Variants in DNAJC11 observed in about 807,000 individuals in gnomAD.
DNAJC11 encodes DnaJ heat shock protein family (Hsp40) member C11.
DNAJC11 carries 15 observed loss-of-function variants against 78.6 expected under a neutral mutation model. That is an observed-to-expected ratio of 0.19 (90% CI 0.13 to 0.29). The LOEUF (loss-of-function observed/expected upper bound fraction) is 0.29, where lower values mean the gene tolerates loss of function less well. Among genes scored for constraint, DNAJC11 ranks in the 10% least tolerant of loss-of-function variants. The pLI is 1.00. For synonymous variants in DNAJC11, 292 were observed against 272.1 expected (o/e 1.07, Z -0.72); for missense variants, 547 against 709.6 (o/e 0.77, Z 2.60).
At chr1:6,666,388 T>C (rs941552076) in intron 4 of DNAJC11, among the ~76,000 whole-genome samples, 33 of 71,676 alleles carry the variant, frequency 4.6e-4, no homozygotes, top group Admixed American at 9.9e-4. Context: ...TTCTTTTCTT[T>C]TTTTTTTTTT....
In DNAJC11 at chr1:6,645,648, C is replaced by T. The variant is rs1183232985; in HGVS notation, c.894+141G>A. On this transcript the variant is annotated intron_variant, in intron 8 of 15. Transcript: ENST00000377577. This position sits in a 1 kb window ranked among gnomAD's most constrained non-coding sequence, Gnocchi z 4.1. ...CACCAGGTCACTCGAGTGTGAGCACCGAGAGCCTGCCCCTCAGGGCCCTGT... is the reference window on the plus strand; with the variant it reads ...CACCAGGTCACTCGAGTGTGAGCACTGAGAGCCTGCCCCTCAGGGCCCTGT... 2.3e-5 allele frequency: 22 copies of T among 960,600 alleles called. No individual in the cohort carries two copies. Among genetic ancestry groups the T allele is most frequent in the Middle Eastern group, 3.4e-4 (1 of 2,944 alleles). The allele number at this position is 960,600 out of a possible 1,614,324, so 59.5% of individuals were successfully genotyped here.
chr1:6,674,925 C>A (rs996061819), intron 3 of DNAJC11, among the ~76,000 whole-genome samples: 4 of 152,126 alleles, frequency 2.6e-5, no homozygotes, highest in African/African-American at 9.7e-5. Flanking sequence ...CATATGGTAG[C>A]CTAATAAATA....
rs192287072 is a variant in DNAJC11 at position 6,690,958 on chromosome 1, G to T, written c.73-9921C>A. Reference sequence around the variant, plus strand: ...GCCATTTTAGGTTTCACTTTGGAAAGAGCTTAGCAGAGAAATAATCAAATC... The same window carrying T: ...GCCATTTTAGGTTTCACTTTGGAAATAGCTTAGCAGAGAAATAATCAAATC... On this transcript the variant is annotated intron_variant, in intron 1 of 15. Coordinates refer to ENST00000377577, the MANE Select transcript of DNAJC11 (RefSeq NM_018198.4). Among the ~76,000 whole-genome samples, 35 of 152,302 alleles carry T rather than the reference G, an allele frequency of 2.3e-4. No individual in the cohort carries two copies. In the East Asian group the frequency reaches 4.8e-3, roughly 21 times the overall value.
At chr1:6,646,123 G>A (rs576949950) in intron 7 of DNAJC11, 145 bp from the exon 8 acceptor site, 2 of 776,544 alleles carry the variant, frequency 2.6e-6, no homozygotes, top group East Asian at 2.7e-5. Context: ...AAAGCAGGAG[G>A]TCAGGCCTCT....
chr1:6,696,619 G>C (rs1489567929), intron 1 of DNAJC11, among the ~76,000 whole-genome samples: 1 of 152,220 alleles, frequency 6.6e-6, no homozygotes, highest in Non-Finnish European at 1.5e-5. Flanking sequence ...CCCTGTACCA[G>C]AGAAGGAATG....
intron 7 of DNAJC11, among the ~76,000 whole-genome samples, chr1:6,648,209 G>A (rs1641997214): frequency 1.3e-5 from 2 of 152,074 alleles, no homozygotes; most frequent in Non-Finnish European, 2.9e-5. Flanking sequence ...AGGCTGGAGT[G>A]CAGTGGCACG....
intron 1 of DNAJC11, among the ~76,000 whole-genome samples, chr1:6,698,639 A>AG: frequency 6.6e-6 from 1 of 152,108 alleles, no homozygotes; most frequent in East Asian, 1.9e-4. Context: ...AAAAAAAAAA[A>AG]AAATTTAAGA....
intron 3 of DNAJC11, among the ~76,000 whole-genome samples, chr1:6,668,842 C>G (rs1557479915): frequency 6.6e-6 from 1 of 152,124 alleles, no homozygotes. Context: ...AGGTACCACA[C>G]AGCAGACCTC....
intron 1 of DNAJC11, among the ~76,000 whole-genome samples, chr1:6,683,958 C>G (rs955744378): frequency 3.9e-5 from 6 of 152,166 alleles, no homozygotes; most frequent in African/African-American, 1.4e-4. Flanking sequence ...AATATACCAC[C>G]TATACCAAAC....
At chr1:6,641,312 G>A (rs1229459733) in intron 10 of DNAJC11, among the ~76,000 whole-genome samples, 1 of 151,018 alleles carries the variant, frequency 6.6e-6, no homozygotes, top group African/African-American at 2.4e-5. Context: ...CTTGAACCTG[G>A]GAGGTGGAGG....
intron 12 of DNAJC11, chr1:6,637,861 C>T (rs1641807759): frequency 4.7e-6 from 2 of 422,280 alleles, no homozygotes; most frequent in Admixed American, 8.0e-5. Context: ...ACAGGAGAAG[C>T]TGGAATCCCA....
In DNAJC11 at chr1:6,635,581, A is replaced by T. The variant is rs1641749501; in HGVS notation, c.*94T>A. The T allele has an allele frequency of 7.6e-7, 1 of 1,313,540 alleles. No individual in the cohort carries two copies. Among genetic ancestry groups the T allele is most frequent in the East Asian group, 2.4e-5 (1 of 41,446 alleles). The allele number at this position is 1,313,540 out of a possible 1,614,324, so 81.4% of individuals were successfully genotyped here. On this transcript the variant is annotated 3_prime_UTR_variant, in exon 16 of 16. Transcript: ENST00000377577. ...CCTTCTATAATAATAATATAAAATA[A>T]AAACATCTGATGTCTGGGTTTTTTC...
chr1:6,643,878 A>AT (rs1213344256), intron 10 of DNAJC11, among the ~76,000 whole-genome samples: 22 of 149,168 alleles, frequency 1.5e-4, no homozygotes, highest in East Asian at 6.0e-4. Context: ...AAGCAACTGT[A>AT]TTTTTTTTTT....
chr1:6,635,026 A>C lies in DNAJC11; in HGVS notation c.*649T>G. ...GCTAGGCCCTGGGATCGGGAGTTACACTACCCTGTCCCAAGCCGAGGGGGC... is the reference window on the plus strand; with the variant it reads ...GCTAGGCCCTGGGATCGGGAGTTACCCTACCCTGTCCCAAGCCGAGGGGGC... On this transcript the variant is annotated 3_prime_UTR_variant, in exon 16 of 16. Transcript: ENST00000377577. The C allele has an allele frequency of 2.4e-6, 1 of 411,446 alleles. No homozygotes were observed. The highest frequency in any genetic ancestry group is 3.9e-6 in the Non-Finnish European group (1 of 253,456). The allele number at this position is 411,446 out of a possible 1,614,324, so 25.5% of individuals were successfully genotyped here.
chr1:6,634,928 G>C lies in DNAJC11; in HGVS notation c.*747C>G. On this transcript the variant is annotated 3_prime_UTR_variant, in exon 16 of 16. Transcript: ENST00000377577. ...AGGTGGGTGGTGCAGGCGGTGGAGG[G>C]ACACAGGCCAGCTCAAGCCCGCTGG... is the stretch of plus-strand genomic sequence containing the variant. 4 of 1,139,804 alleles carry C rather than the reference G, an allele frequency of 3.5e-6. No individual in the cohort carries two copies. In the South Asian group the frequency reaches 6.4e-5, roughly 18 times the overall value. The allele number at this position is 1,139,804 out of a possible 1,614,324, so 70.6% of individuals were successfully genotyped here.
At position 6,645,645 on chromosome 1, in the gene DNAJC11, C is replaced by T; in HGVS notation, c.894+144G>A. 1 of 911,134 alleles carries T rather than the reference C, an allele frequency of 1.1e-6. No homozygotes were observed. The highest frequency in any genetic ancestry group is 1.7e-6 in the Non-Finnish European group (1 of 604,022). The allele number at this position is 911,134 out of a possible 1,614,324, so 56.4% of individuals were successfully genotyped here. ...TTCCACCAGGTCACTCGAGTGTGAG[C>T]ACCGAGAGCCTGCCCCTCAGGGCCC... On this transcript the variant is annotated intron_variant, in intron 8 of 15. Transcript: ENST00000377577. The surrounding 1 kb of genome is among the most constrained non-coding windows in gnomAD (Gnocchi z 4.1).
At chr1:6,670,168 C>A (rs1570294600) in intron 3 of DNAJC11, among the ~76,000 whole-genome samples, 1 of 151,910 alleles carries the variant, frequency 6.6e-6, no homozygotes, top group Non-Finnish European at 1.5e-5. Context: ...CCATGTTAGC[C>A]AGGATGGTCT....
rs147709865 is a variant in DNAJC11, at chr1:6,640,023, T to C, written c.1132A>G (p.Ile378Val). 16 of 1,586,648 alleles carry C rather than the reference T, an allele frequency of 1.0e-5. No homozygotes were observed. The highest frequency in any genetic ancestry group is 9.1e-5 in the African/African-American group (6 of 65,616). Residue 378 changes from isoleucine (I) to valine (V), a missense_variant, in exon 11 of 16, where the codon ATT becomes GTT. Ile to Val is a conservative substitution (Grantham distance 29, BLOSUM62 3). Coordinates refer to ENST00000377577, the MANE Select transcript of DNAJC11 (RefSeq NM_018198.4). ...GGCAGAAGCTGGTCCGTCAAGTGAA[T>C]AGGGAAGAAGTATGTCTGACTGGCC... ...NRASQTYFFPIHLTDQLLPSA... is the reference protein window; with the variant it reads ...NRASQTYFFPVHLTDQLLPSA...
rs1266980649 is a variant in DNAJC11, at chr1:6,645,683, G to C, written c.894+106C>G. 7.5e-7 allele frequency: 1 copy of C among 1,333,972 alleles called. No individual in the cohort carries two copies. The allele number at this position is 1,333,972 out of a possible 1,614,324, so 82.6% of individuals were successfully genotyped here. ...CCCCTCAGGGCCCTGTATGGGCTTA[G>C]ACTTAGTGGTGATCAGGACGCAGGA... On this transcript the variant is annotated intron_variant, in intron 8 of 15. Coordinates refer to ENST00000377577, the MANE Select transcript of DNAJC11 (RefSeq NM_018198.4). This position sits in a 1 kb window ranked among gnomAD's most constrained non-coding sequence, Gnocchi z 4.1.
Sources: gnomAD v4.1 joint callset for allele counts (sites outside exome capture counted in the v4.1 genomes callset) on GRCh38, gnomAD v4.1.1 for gene constraint, Gnocchi (gnomAD v3.1) non-coding constraint, MANE v1.5 for transcripts, NCBI Gene and HGNC (gene_info 2026-07-23, HGNC 2026-07-21) for gene names.